Variants in CRBN observed in about 807,000 individuals in gnomAD.
CRBN encodes the protein protein cereblon.
In CRBN, 53 loss-of-function variants were observed where a neutral mutation model predicts 62.2. The observed-to-expected ratio is 0.85, with a 90% confidence interval of 0.68 to 1.07. CRBN has a LOEUF of 1.07. CRBN is among the 50% of genes least tolerant of loss of function. The pLI, the probability that CRBN is intolerant of heterozygous loss-of-function variation, is 0.00. For missense variants in CRBN, 616 were observed against 531.1 expected (o/e 1.16, Z -1.57); for synonymous variants, 208 against 176.1 (o/e 1.18, Z -1.43).
At chr3:3,151,336 G>GACCACATTCTAACTTGTACTGGC (rs373055891) in intron 10 of CRBN, among the ~76,000 whole-genome samples, 12 of 152,138 alleles carry the variant, frequency 7.9e-5, no homozygotes, top group East Asian at 1.9e-4. Flanking sequence ...TGGTTGCCAA[G>GACCACATTCTAACTTGTACTGGC]ACCACATTCT....
intron 1 of CRBN, among the ~76,000 whole-genome samples, chr3:3,177,370 T>C (rs1707868635): frequency 6.6e-6 from 1 of 152,202 alleles, no homozygotes; most frequent in African/African-American, 2.4e-5. Context: ...GCCTTGGACT[T>C]TCTATTTATT....
intron 1 of CRBN, among the ~76,000 whole-genome samples, chr3:3,177,329 GAAAATA>G (rs1707866704): frequency 6.6e-6 from 1 of 152,174 alleles, no homozygotes; most frequent in Admixed American, 6.5e-5. Context: ...GCCCCTGACA[GAAAATA>G]AAAATGATTT....
At chr3:3,174,461 T>C (rs1707750863) in intron 2 of CRBN, among the ~76,000 whole-genome samples, 200 bp from the exon 3 acceptor site, 1 of 151,976 alleles carries the variant, frequency 6.6e-6, no homozygotes, top group African/African-American at 2.4e-5. Context: ...GCCAACATGG[T>C]GGAACCCTGT....
Position 3,174,357 on chromosome 3 carries a change from C to T in CRBN, c.175-96G>A. The T allele has an allele frequency of 3.0e-6, 3 of 1,011,486 alleles. No homozygotes were observed. The South Asian group carries it at 4.1e-5, about 14-fold the overall frequency. 62.7% of individuals were successfully genotyped at this position (1,011,486 alleles called of 1,614,324 possible). On this transcript the variant is annotated intron_variant, in intron 2 of 10. Transcript: ENST00000231948. Reference sequence around the variant, plus strand: ...AGAGCAAATCACATTAAAAGAAATACAGGCCGGGCACAGTGGCTCACACCT... The same window carrying T: ...AGAGCAAATCACATTAAAAGAAATATAGGCCGGGCACAGTGGCTCACACCT...
At position 3,150,456 on chromosome 3, in the gene CRBN, T is replaced by TA. The variant is rs750438512; in HGVS notation, c.*408dup. 84 of 188,330 alleles carry TA rather than the reference T, an allele frequency of 4.5e-4. 1 individual carries two copies. Among genetic ancestry groups the TA allele is most frequent in the South Asian group, 2.2e-3 (22 of 10,112 alleles). 11.7% of individuals were successfully genotyped at this position (188,330 alleles called of 1,614,324 possible). Reference sequence around the variant, plus strand: ...TTGTTATTTAGAGCACTGGTACAGATACGCTGTCCCATACATCAGGATCAA... The same window carrying TA: ...TTGTTATTTAGAGCACTGGTACAGATAACGCTGTCCCATACATCAGGATCAA... On this transcript the variant is annotated 3_prime_UTR_variant, in exon 11 of 11. Transcript: ENST00000231948.
chr3:3,169,954 C>T (rs867542159), intron 4 of CRBN, among the ~76,000 whole-genome samples: 1 of 152,076 alleles, frequency 6.6e-6, no homozygotes, highest in Non-Finnish European at 1.5e-5. Flanking sequence ...CTCCCCAACC[C>T]ACACACACTC....
chr3:3,163,288 C>T (rs756493757), intron 5 of CRBN, among the ~76,000 whole-genome samples: 1 of 152,218 alleles, frequency 6.6e-6, no homozygotes, highest in East Asian at 1.9e-4. Flanking sequence ...TAGGCCTTCT[C>T]ATTCCTTAGC....
At position 3,150,790 on chromosome 3, in the gene CRBN, C is replaced by T. The variant is rs1014765406; in HGVS notation, c.*75G>A. ...ATGTTATGTTTACTTAGGTATGTAT[C>T]AGAGGCAATAATTTCCAAAGCAGAT... On this transcript the variant is annotated 3_prime_UTR_variant, in exon 11 of 11. Coordinates refer to ENST00000231948, the MANE Select transcript of CRBN (RefSeq NM_016302.4). The T allele has an allele frequency of 9.3e-6, 13 of 1,403,976 alleles. No individual in the cohort carries two copies. Among genetic ancestry groups the T allele is most frequent in the South Asian group, 1.2e-5 (1 of 81,726 alleles). The allele number at this position is 1,403,976 out of a possible 1,614,324, so 87.0% of individuals were successfully genotyped here.
intron 1 of CRBN, 57 bp from the exon 2 acceptor site, chr3:3,175,326 A>G (rs1393552249): frequency 3.2e-6 from 4 of 1,245,062 alleles, no homozygotes; most frequent in Non-Finnish European, 4.7e-6. Flanking sequence ...CCTTTCAAAC[A>G]TGTAATTCCT....
At chr3:3,153,054 G>A in intron 9 of CRBN, 1 of 308,192 alleles carries the variant, frequency 3.2e-6, no homozygotes, top group Non-Finnish European at 6.2e-6. Context: ...TATGTGTTCA[G>A]AAGCATGTCC....
rs908375774 is a variant in CRBN, at chr3:3,175,730, G to C, written c.68-461C>G. 1.8e-4 allele frequency among the ~76,000 whole-genome samples: 27 copies of C among 152,114 alleles called. 1 individual carries two copies. The highest frequency in any genetic ancestry group is 1.4e-3 in the Admixed American group (22 of 15,272). ...CCCCCTACCCTCCTCTGGGCTAGGG[G>C]GGTTTTCAGACTTTGCTTGTTTCTG... On this transcript the variant is annotated intron_variant, in intron 1 of 10. Coordinates refer to ENST00000231948, the MANE Select transcript of CRBN (RefSeq NM_016302.4).
chr3:3,153,140 A>G (rs1017978241), intron 9 of CRBN: 3 of 375,990 alleles, frequency 8.0e-6, no homozygotes, highest in African/African-American at 6.2e-5. Flanking sequence ...CTAATTGAAG[A>G]CAGTCTAATA....
At chr3:3,177,145 G>T (rs1707856304) in intron 1 of CRBN, among the ~76,000 whole-genome samples, 1 of 148,212 alleles carries the variant, frequency 6.7e-6, no homozygotes, top group South Asian at 2.2e-4. Context: ...TGCTGAGGTT[G>T]GGAGACCCTG....
At chr3:3,156,183 A>G (rs1283035573) in intron 6 of CRBN, 36 bp downstream of exon 6, 1 of 1,534,384 alleles carries the variant, frequency 6.5e-7, no homozygotes. Flanking sequence ...GACATGGCCT[A>G]CCATATATAA....
Position 3,154,734 on chromosome 3 carries a change from T to C in CRBN, c.835+13A>G. The C allele has an allele frequency of 1.3e-6, 2 of 1,489,846 alleles. No individual in the cohort carries two copies. The highest frequency in any genetic ancestry group is 9.4e-7 in the Non-Finnish European group (1 of 1,066,984). The allele number at this position is 1,489,846 out of a possible 1,614,324, so 92.3% of individuals were successfully genotyped here. On this transcript the variant is annotated intron_variant, in intron 7 of 10. Transcript: ENST00000231948. ...ACATCCCAGGCTCCAGGCAGGAAAC[T>C]AACTTTTCATACCTATTGGATTTGA...
intron 1 of CRBN, among the ~76,000 whole-genome samples, chr3:3,175,629 A>G (rs1193362833): frequency 6.6e-6 from 1 of 152,182 alleles, no homozygotes. Flanking sequence ...TAAGCTTCAT[A>G]TTTTAAATGG....
chr3:3,150,161 A>C lies in CRBN; in HGVS notation c.*704T>G, dbSNP rs1225859102. The C allele has an allele frequency of 6.6e-6, 1 of 152,172 alleles. No homozygotes were observed. The highest frequency in any genetic ancestry group is 2.4e-5 in the African/African-American group (1 of 41,462). 9.4% of individuals were successfully genotyped at this position (152,172 alleles called of 1,614,324 possible). ...AGTTTTGGTTCAAATTAATTTTTGA[A>C]AAATAGCTTTTGTATGGAACAGTAT... On this transcript the variant is annotated 3_prime_UTR_variant, in exon 11 of 11. Transcript: ENST00000231948.
intron 1 of CRBN, among the ~76,000 whole-genome samples, 175 bp from the exon 2 acceptor site, chr3:3,175,444 AT>A (rs11332452): frequency 0.89 from 133,467 of 150,282 alleles, 61,252 homozygotes; most frequent in East Asian, 1. Context: ...GTCAGTAGCT[AT>A]TTTTTTTTTT....
intron 1 of CRBN, among the ~76,000 whole-genome samples, chr3:3,178,906 A>AT (rs1382321014): frequency 6.6e-6 from 1 of 151,240 alleles, no homozygotes; most frequent in African/African-American, 2.4e-5. Flanking sequence ...TTTGTTCAGT[A>AT]TTTCAACACA....
Sources: gnomAD v4.1 joint callset for allele counts (sites outside exome capture counted in the v4.1 genomes callset) on GRCh38, gnomAD v4.1.1 for gene constraint, MANE v1.5 for transcripts, NCBI Gene and HGNC (gene_info 2026-07-23, HGNC 2026-07-21) for gene names.